The following TGM6 variants were observed in gnomAD, a reference collection of about 807,000 sequenced individuals.
The protein encoded by TGM6 is transglutaminase 6.
TGM6 carries 74 observed loss-of-function variants against 77.5 expected under a neutral mutation model. That is an observed-to-expected ratio of 0.96 (90% CI 0.79 to 1.16). The LOEUF is 1.16. Among genes scored for constraint, TGM6 ranks in the 50% most tolerant of loss-of-function variants. The pLI is 0.00. For synonymous variants in TGM6, 383 were observed against 378.9 expected (o/e 1.01, Z -0.12); for missense variants, 968 against 940.2 (o/e 1.03, Z -0.39).
chr20:2,395,182 C>A lies in TGM6; in HGVS notation c.182-12C>A, dbSNP rs756647837. On this transcript the variant is annotated splice_polypyrimidine_tract_variant and intron_variant, in intron 2 of 12. Coordinates refer to ENST00000202625, the MANE Select transcript of TGM6 (RefSeq NM_198994.3). ...GGGGAAGGGTCTCCTGATTCCCTCT[C>A]CTCTCCTCCAGGACCCCGGGCTTCT... The A allele has an allele frequency of 2.5e-6, 4 of 1,611,764 alleles. No homozygotes were observed. Among genetic ancestry groups the A allele is most frequent in the Admixed American group, 3.3e-5 (2 of 59,994 alleles).
At chr20:2,383,644 T>A (rs921628583) in intron 1 of TGM6, among the ~76,000 whole-genome samples, 2 of 152,108 alleles carry the variant, frequency 1.3e-5, no homozygotes, top group Non-Finnish European at 2.9e-5. Context: ...AGTGATGGGA[T>A]GGATTGAACA....
At chr20:2,390,864 G>A (rs545034048) in intron 1 of TGM6, among the ~76,000 whole-genome samples, 1 of 152,044 alleles carries the variant, frequency 6.6e-6, no homozygotes, top group East Asian at 1.9e-4. Context: ...GGGAACAGCA[G>A]GTGCAAAGGC....
intron 9 of TGM6, among the ~76,000 whole-genome samples, chr20:2,416,786 AT>A (rs2084819128): frequency 6.6e-6 from 1 of 152,160 alleles, no homozygotes; most frequent in Non-Finnish European, 1.5e-5. Context: ...GGGAGCATGA[AT>A]GGAATTTGGA....
At chr20:2,396,709 T>G (rs2084670995) in intron 4 of TGM6, 85 bp downstream of exon 4, 8 of 1,270,856 alleles carry the variant, frequency 6.3e-6, no homozygotes, top group Non-Finnish European at 9.1e-6. Flanking sequence ...CTGCTCACTC[T>G]TCTCAGGAGG....
intron 9 of TGM6, among the ~76,000 whole-genome samples, chr20:2,411,484 T>C (rs2084783797): frequency 6.6e-6 from 1 of 151,552 alleles, no homozygotes; most frequent in Admixed American, 6.6e-5. Flanking sequence ...AAATTAAGAA[T>C]AGAAGTAAAC....
chr20:2,403,469 T>G lies in TGM6; in HGVS notation c.1062T>G (p.Val354=), dbSNP rs2084725741. The G allele has an allele frequency of 6.2e-7, 1 of 1,614,026 alleles. No individual in the cohort carries two copies. The highest frequency in any genetic ancestry group is 1.3e-5 in the African/African-American group (1 of 74,914). ...GCCCCTCTTACAATGGCTGGCAGGT[T>G]CTGGATGCCACCCCCCAGGAGGAGA... ...DLGPSYNGWQ[V]LDATPQEESE... is the part of the protein sequence containing the mutation. Residue 354 remains valine, a synonymous_variant, in exon 8 of 13, where the codon GTT becomes GTG. Transcript: ENST00000202625.
chr20:2,429,209 C>G (rs2084907751), intron 10 of TGM6, among the ~76,000 whole-genome samples: 1 of 152,154 alleles, frequency 6.6e-6, no homozygotes, highest in Non-Finnish European at 1.5e-5. Context: ...AAAACAAAAT[C>G]ATACTTTAAC....
At chr20:2,410,144 C>T (rs2122391697) in intron 9 of TGM6, among the ~76,000 whole-genome samples, 2 of 152,162 alleles carry the variant, frequency 1.3e-5, no homozygotes, top group South Asian at 4.1e-4. Flanking sequence ...CCTGAAAAAT[C>T]AAGGCATGAT....
chr20:2,410,560 T>C (rs891125194), intron 9 of TGM6, among the ~76,000 whole-genome samples: 7 of 152,142 alleles, frequency 4.6e-5, no homozygotes, highest in Admixed American at 4.6e-4. Flanking sequence ...TGTAGCAAAG[T>C]TGGACAGAAG....
chr20:2,383,077 A>G (rs570406683), intron 1 of TGM6, among the ~76,000 whole-genome samples: 6 of 152,280 alleles, frequency 3.9e-5, no homozygotes, highest in African/African-American at 1.4e-4. Flanking sequence ...CAAGACCAGG[A>G]AGGAAAGAGA....
chr20:2,406,862 A>AAAAT (rs2084755960), intron 9 of TGM6, among the ~76,000 whole-genome samples: 3 of 141,900 alleles, frequency 2.1e-5, no homozygotes, highest in South Asian at 2.3e-4. Context: ...AAAAAAAAAA[A>AAAAT]AAAACCATGG....
At chr20:2,423,151 A>G (rs534734947) in intron 10 of TGM6, among the ~76,000 whole-genome samples, 1 of 151,644 alleles carries the variant, frequency 6.6e-6, no homozygotes, top group South Asian at 2.1e-4. Context: ...CTACTACCTG[A>G]CCAGGGTAGT....
chr20:2,382,230 C>T (rs116338831), intron 1 of TGM6, among the ~76,000 whole-genome samples: 1,960 of 152,292 alleles, frequency 0.013, 36 homozygotes, highest in African/African-American at 0.045. Context: ...CATTGCTGGA[C>T]GTGTTGGGCC....
At chr20:2,388,033 C>G (rs2084607490) in intron 1 of TGM6, among the ~76,000 whole-genome samples, 1 of 152,278 alleles carries the variant, frequency 6.6e-6, no homozygotes, top group Admixed American at 6.5e-5. Context: ...CAGAAAGAAG[C>G]TGTATTAACT....
At chr20:2,419,243 T>C in intron 10 of TGM6, among the ~76,000 whole-genome samples, 1 of 152,176 alleles carries the variant, frequency 6.6e-6, no homozygotes, top group East Asian at 1.9e-4. Flanking sequence ...TCTCTATCTC[T>C]CCTTTGCCTC....
chr20:2,420,726 A>C (rs1218192355), intron 10 of TGM6, among the ~76,000 whole-genome samples: 1 of 152,148 alleles, frequency 6.6e-6, no homozygotes, highest in Non-Finnish European at 1.5e-5. Flanking sequence ...GATGTCATCT[A>C]GTTGAAATCA....
At chr20:2,392,764 A>G (rs1285530509) in intron 1 of TGM6, among the ~76,000 whole-genome samples, 1 of 152,204 alleles carries the variant, frequency 6.6e-6, no homozygotes, top group African/African-American at 2.4e-5. Flanking sequence ...TTAGCTGAGT[A>G]TGGTGGCATG....
At chr20:2,400,218 A>G in intron 6 of TGM6, 88 bp from the exon 7 acceptor site, 2 of 1,595,154 alleles carry the variant, frequency 1.3e-6, no homozygotes, top group Non-Finnish European at 1.7e-6. Flanking sequence ...GGCTTTGGCC[A>G]CAAATGAGCC....
chr20:2,393,898 G>A (rs1292021671), intron 1 of TGM6, among the ~76,000 whole-genome samples: 1 of 152,128 alleles, frequency 6.6e-6, no homozygotes, highest in African/African-American at 2.4e-5. Flanking sequence ...AATAAGTTGG[G>A]ACCAGAGGCT....
Sources: gnomAD v4.1 joint callset for allele counts (sites outside exome capture counted in the v4.1 genomes callset) on GRCh38, gnomAD v4.1.1 for gene constraint, MANE v1.5 for transcripts, NCBI Gene and HGNC (gene_info 2026-07-23, HGNC 2026-07-21) for gene names.